NR2F1-AS1: variants seen among roughly 807,000 people sequenced by gnomAD.
NR2F1-AS1 encodes NR2F1 antisense RNA 1.
At chr5:93,504,237 A>C (rs570548944) in intron 4 of NR2F1-AS1, among the ~76,000 whole-genome samples, 1 of 152,340 alleles carries the variant, frequency 6.6e-6, no homozygotes, top group African/African-American at 2.4e-5. Context: ...TGTCATTTAT[A>C]CTCTTGAAGT....
At chr5:93,422,508 T>C (rs1305169353) in intron 4 of NR2F1-AS1, 2 of 152,216 alleles carry the variant, frequency 1.3e-5, no homozygotes, top group Non-Finnish European at 2.9e-5. Context: ...ATACATTCAT[T>C]AGGCTGGAGC....
intron 4 of NR2F1-AS1, among the ~76,000 whole-genome samples, chr5:93,418,577 G>A (rs985571449): frequency 2.7e-5 from 4 of 146,628 alleles, no homozygotes; most frequent in South Asian, 2.1e-4. Flanking sequence ...AGAGCGAGAC[G>A]CCGTCTCATA....
chr5:93,548,158 G>A (rs1026077672), intron 4 of NR2F1-AS1, among the ~76,000 whole-genome samples: 1 of 152,016 alleles, frequency 6.6e-6, no homozygotes, highest in Admixed American at 6.6e-5. Context: ...CTCTCTCAAT[G>A]ACTGTCCTAT....
intron 4 of NR2F1-AS1, among the ~76,000 whole-genome samples, chr5:93,440,309 G>A (rs1749539593): frequency 1.3e-5 from 2 of 152,256 alleles, no homozygotes; most frequent in South Asian, 4.1e-4. Flanking sequence ...CATTGTTACT[G>A]GGTATGTCTC....
chr5:93,462,154 C>T (rs1210983691), intron 4 of NR2F1-AS1, among the ~76,000 whole-genome samples: 2 of 152,180 alleles, frequency 1.3e-5, no homozygotes, highest in Non-Finnish European at 2.9e-5. Context: ...TGTGTCCCCA[C>T]CCAAATCTCA....
At chr5:93,476,508 C>T (rs192868056) in intron 4 of NR2F1-AS1, among the ~76,000 whole-genome samples, 6 of 152,266 alleles carry the variant, frequency 3.9e-5, no homozygotes, top group African/African-American at 1.4e-4. Context: ...TTGACATGTG[C>T]TAATTGACAG....
At chr5:93,423,615 T>G (rs1205481958) in intron 4 of NR2F1-AS1, among the ~76,000 whole-genome samples, 5 of 152,218 alleles carry the variant, frequency 3.3e-5, no homozygotes, top group African/African-American at 1.2e-4. Flanking sequence ...TAAAAATCCA[T>G]ATTGATTTCC....
At chr5:93,550,752 C>G (rs1000774422) in intron 4 of NR2F1-AS1, among the ~76,000 whole-genome samples, 1 of 152,058 alleles carries the variant, frequency 6.6e-6, no homozygotes, top group African/African-American at 2.4e-5. Context: ...ATGTAGTTTT[C>G]CTGAAATAAA....
intron 4 of NR2F1-AS1, among the ~76,000 whole-genome samples, chr5:93,422,881 G>A (rs972674952): frequency 6.6e-6 from 1 of 152,138 alleles, no homozygotes; most frequent in Non-Finnish European, 1.5e-5. Flanking sequence ...AGCACCTGGG[G>A]AGTTTAGAAT....
intron 4 of NR2F1-AS1, among the ~76,000 whole-genome samples, chr5:93,450,458 T>C (rs1749802173): frequency 6.6e-6 from 1 of 152,206 alleles, no homozygotes; most frequent in Non-Finnish European, 1.5e-5. Context: ...ATTGGTAATT[T>C]GGTTTAAACT....
chr5:93,546,213 T>C (rs1209281651), intron 4 of NR2F1-AS1, among the ~76,000 whole-genome samples: 1 of 152,188 alleles, frequency 6.6e-6, no homozygotes, highest in African/African-American at 2.4e-5. Flanking sequence ...CTACTGTACA[T>C]GGACTGAGCA....
intron 1 of NR2F1-AS1, among the ~76,000 whole-genome samples, chr5:93,569,702 T>C (rs1752699939): frequency 6.6e-6 from 1 of 152,232 alleles, no homozygotes; most frequent in Admixed American, 6.5e-5. Context: ...ACTTCACCTA[T>C]GTTATTACCT....
chr5:93,548,005 G>A (rs1752128751), intron 4 of NR2F1-AS1, among the ~76,000 whole-genome samples: 1 of 152,130 alleles, frequency 6.6e-6, no homozygotes, highest in Admixed American at 6.6e-5. Context: ...AATAAAAATC[G>A]TGGAACGTAA....
intron 4 of NR2F1-AS1, among the ~76,000 whole-genome samples, chr5:93,507,586 G>A (rs1751212945): frequency 6.6e-6 from 1 of 152,092 alleles, no homozygotes; most frequent in South Asian, 2.1e-4. Context: ...TCAAACTCCT[G>A]ACCTCAGGTG....
chr5:93,548,049 A>C (rs1380627568), intron 4 of NR2F1-AS1, among the ~76,000 whole-genome samples: 4 of 152,152 alleles, frequency 2.6e-5, no homozygotes, highest in African/African-American at 9.7e-5. Context: ...GGACATCCTG[A>C]CCACTTTACA....
intron 4 of NR2F1-AS1, among the ~76,000 whole-genome samples, chr5:93,450,487 A>C (rs1749803026): frequency 6.6e-6 from 1 of 152,200 alleles, no homozygotes; most frequent in Non-Finnish European, 1.5e-5. Context: ...TCTAAGCAAA[A>C]TATTTCCATA....
chr5:93,582,431 A>C (rs1753124477), upstream of NR2F1-AS1, among the ~76,000 whole-genome samples: 1 of 152,102 alleles, frequency 6.6e-6, no homozygotes, highest in Admixed American at 6.5e-5. Context: ...TTTTAAACCA[A>C]GGTATACTTT....
At chr5:93,490,782 G>GGTA (rs1264056729) in intron 4 of NR2F1-AS1, among the ~76,000 whole-genome samples, 1 of 151,522 alleles carries the variant, frequency 6.6e-6, no homozygotes, top group African/African-American at 2.4e-5. Flanking sequence ...GAGTGGTGGT[G>GGTA]GTAGTCCTGG....
intron 4 of NR2F1-AS1, among the ~76,000 whole-genome samples, chr5:93,463,570 C>T (rs562809063): frequency 2.6e-5 from 4 of 152,256 alleles, no homozygotes; most frequent in Non-Finnish European, 4.4e-5. Flanking sequence ...ACAGCTTGCA[C>T]CATGTGCCTG....
Sources: gnomAD v4.1 joint callset for allele counts (sites outside exome capture counted in the v4.1 genomes callset) on GRCh38, gnomAD v4.1.1 for gene constraint, MANE v1.5 for transcripts, NCBI Gene and HGNC (gene_info 2026-07-23, HGNC 2026-07-21) for gene names.